The following SIRPB2 variants were observed in gnomAD, a reference collection of about 807,000 sequenced individuals.
SIRPB2 encodes the protein signal regulatory protein beta 2.
SIRPB2 carries 18 observed loss-of-function variants against 27.1 expected under a neutral mutation model. The observed-to-expected ratio is 0.66, with a 90% CI of 0.46 to 0.98. SIRPB2 has a LOEUF of 0.98. Ranked by LOEUF, SIRPB2 falls within the 50% of genes least tolerant of loss-of-function variation. The pLI, the probability that SIRPB2 is intolerant of heterozygous loss-of-function variation, is 0.00. For missense variants in SIRPB2, 420 were observed against 417.4 expected (o/e 1.01, Z -0.06); for synonymous variants, 150 against 164.6 (o/e 0.91, Z 0.68).
At chr20:1,488,487 C>T (rs1019844833) in intron 1 of SIRPB2, among the ~76,000 whole-genome samples, 2 of 151,922 alleles carry the variant, frequency 1.3e-5, no homozygotes, top group Non-Finnish European at 2.9e-5. Flanking sequence ...ACCAACCAGA[C>T]AACCACAAAA....
At chr20:1,473,380 GCACACACGCA>G (rs11470589), downstream of SIRPB2, 48,420 of 154,958 alleles carry the variant, frequency 0.31, 9,418 homozygotes, top group East Asian at 0.74. Context: ...ACGCACACAT[GCACACACGCA>G]CACACACGCA....
downstream of SIRPB2, chr20:1,470,944 T>C (rs2122993481): frequency 6.6e-6 from 1 of 152,350 alleles, no homozygotes; most frequent in South Asian, 2.1e-4. Flanking sequence ...CAGAGTGTAC[T>C]GTCTCTTTAA....
intron 1 of SIRPB2, among the ~76,000 whole-genome samples, chr20:1,482,925 G>A (rs1363384941): frequency 6.6e-6 from 1 of 152,014 alleles, no homozygotes; most frequent in Non-Finnish European, 1.5e-5. Flanking sequence ...AGAAATGCAT[G>A]CACTCCTTTG....
chr20:1,487,505 C>G (rs2090737564), intron 1 of SIRPB2, among the ~76,000 whole-genome samples: 1 of 152,204 alleles, frequency 6.6e-6, no homozygotes. Context: ...AGTTAGAAAA[C>G]TAATACCACC....
chr20:1,490,299 G>A (rs149826665), intron 1 of SIRPB2, among the ~76,000 whole-genome samples: 2 of 152,304 alleles, frequency 1.3e-5, no homozygotes, highest in Non-Finnish European at 2.9e-5. Flanking sequence ...CCTGGGTTCT[G>A]CCAGGATCTC....
At chr20:1,477,531 C>A in intron 3 of SIRPB2, 128 bp from the exon 4 acceptor site, 1 of 1,471,960 alleles carries the variant, frequency 6.8e-7, no homozygotes, top group Non-Finnish European at 9.0e-7. Context: ...AGAAGTCAAA[C>A]CCTGCAGCTA....
chr20:1,487,763 G>T (rs972644720), intron 1 of SIRPB2, among the ~76,000 whole-genome samples: 7 of 152,202 alleles, frequency 4.6e-5, no homozygotes, highest in African/African-American at 1.7e-4. Context: ...CTCCTGAGTA[G>T]CTAGGAGTAC....
At chr20:1,478,168 T>C (rs2090626020) in intron 3 of SIRPB2, 98 bp downstream of exon 3, 1 of 1,106,882 alleles carries the variant, frequency 9.0e-7, no homozygotes. Context: ...TGTAAAGACA[T>C]GGAGGCTGTG....
chr20:1,471,357 G>A (rs780012878), downstream of SIRPB2, among the ~76,000 whole-genome samples: 4 of 152,194 alleles, frequency 2.6e-5, no homozygotes, highest in Non-Finnish European at 5.9e-5. Flanking sequence ...TTGGGATAGC[G>A]AGAAACTGGA....
At chr20:1,489,655 A>G (rs1360462821) in intron 1 of SIRPB2, among the ~76,000 whole-genome samples, 1 of 152,060 alleles carries the variant, frequency 6.6e-6, no homozygotes, top group Non-Finnish European at 1.5e-5. Context: ...GGACCTTCTC[A>G]TCTATTTTCC....
chr20:1,480,533 A>G (rs1276296356), intron 1 of SIRPB2: 1 of 165,438 alleles, frequency 6.0e-6, no homozygotes, highest in African/African-American at 2.4e-5. Context: ...TTCAGTTAAA[A>G]TGAGGTCATT....
intron 4 of SIRPB2, chr20:1,477,105 A>G (rs1449109434): frequency 2.0e-6 from 3 of 1,496,596 alleles, no homozygotes; most frequent in East Asian, 2.6e-5. Context: ...CTCAAACAAC[A>G]TTTCCCACTA....
downstream of SIRPB2, chr20:1,472,718 A>G (rs2090584604): frequency 6.6e-6 from 1 of 152,002 alleles, no homozygotes; most frequent in Non-Finnish European, 1.5e-5. Flanking sequence ...AACTCACCCA[A>G]GAGATAAGTA....
Position 1,479,817 on chromosome 20 carries a change from T to C in SIRPB2, c.334A>G (p.Ile112Val), listed in dbSNP as rs201734139. 2 of 1,614,112 alleles carry C rather than the reference T, an allele frequency of 1.2e-6. No individual in the cohort carries two copies. The highest frequency in any genetic ancestry group is 3.3e-5 in the Admixed American group (2 of 60,012). ...TSEPLNCDYS[I>V]YIHNVTREHT... ...TCCCTGGTGACATTGTGGATATAGA[T>C]GGAATAATCACAATTCAGTGGTTCT... Residue 112 changes from isoleucine (I) to valine (V), a missense_variant, in exon 2 of 5, where the codon ATC becomes GTC. Physicochemically the swap from Ile to Val is conservative, Grantham distance 29. Transcript: ENST00000359801.
chr20:1,482,186 C>CT (rs1184622898), intron 1 of SIRPB2, among the ~76,000 whole-genome samples: 1 of 151,942 alleles, frequency 6.6e-6, no homozygotes, highest in Non-Finnish European at 1.5e-5. Context: ...CTGTAAGTTT[C>CT]TTTTTTTTCT....
At chr20:1,482,128 T>C (rs2123032714) in intron 1 of SIRPB2, among the ~76,000 whole-genome samples, 1 of 152,350 alleles carries the variant, frequency 6.6e-6, no homozygotes, top group East Asian at 1.9e-4. Flanking sequence ...GTAGAAGTTA[T>C]GACATCGATA....
chr20:1,482,071 T>A (rs1444299579), intron 1 of SIRPB2, among the ~76,000 whole-genome samples: 3 of 151,346 alleles, frequency 2.0e-5, no homozygotes, highest in Non-Finnish European at 4.4e-5. Context: ...CAAACTGATT[T>A]TAAAAAAAAA....
At chr20:1,473,738 G>A (rs2090589575), downstream of SIRPB2, 2 of 427,238 alleles carry the variant, frequency 4.7e-6, no homozygotes, top group Non-Finnish European at 9.4e-6. Context: ...GCAGGGACCA[G>A]CTCATGCAGG....
intron 1 of SIRPB2, among the ~76,000 whole-genome samples, chr20:1,485,306 C>T (rs981442628): frequency 2.0e-5 from 3 of 152,060 alleles, no homozygotes; most frequent in Non-Finnish European, 4.4e-5. Context: ...AATACTTTGA[C>T]TCATTTATTA....
Sources: gnomAD v4.1 joint callset for allele counts (sites outside exome capture counted in the v4.1 genomes callset) on GRCh38, gnomAD v4.1.1 for gene constraint, MANE v1.5 for transcripts, NCBI Gene and HGNC (gene_info 2026-07-23, HGNC 2026-07-21) for gene names.